The following PTK2 variants were observed in gnomAD, a reference collection of about 807,000 sequenced individuals.
PTK2 encodes focal adhesion kinase 1.
A neutral mutation model predicts 150.1 loss-of-function variants in PTK2; 45 were observed. The observed-to-expected ratio is 0.30, with a 90% confidence interval of 0.24 to 0.38. PTK2 has a LOEUF of 0.38. Ranked by LOEUF, PTK2 falls within the 10% of genes least tolerant of loss-of-function variation. The probability of loss-of-function intolerance (pLI) is 1.00; values close to 1 mark genes in which losing one functional copy is unlikely to be tolerated. For missense variants in PTK2, 919 were observed against 1,307.3 expected (o/e 0.70, Z 4.58); for synonymous variants, 432 against 449.2 (o/e 0.96, Z 0.48).
chr8:140,962,617 T>G (rs1000421099), intron 1 of PTK2, among the ~76,000 whole-genome samples: 1 of 151,624 alleles, frequency 6.6e-6, no homozygotes, highest in Non-Finnish European at 1.5e-5. Flanking sequence ...GCTAACACAG[T>G]GAAACCTACT....
chr8:140,700,415 T>A (rs188809545), intron 26 of PTK2, among the ~76,000 whole-genome samples: 1 of 151,816 alleles, frequency 6.6e-6, no homozygotes, highest in East Asian at 1.9e-4. Flanking sequence ...CAAGTGATCC[T>A]CCTGCCTTGG....
At chr8:140,756,790 C>T (rs1235666157) in intron 16 of PTK2, among the ~76,000 whole-genome samples, 1 of 151,030 alleles carries the variant, frequency 6.6e-6, no homozygotes, top group Non-Finnish European at 1.5e-5. Context: ...GAGATCGACA[C>T]CATCCTGGCT....
At chr8:140,897,387 T>C (rs1382939329) in intron 2 of PTK2, among the ~76,000 whole-genome samples, 3 of 151,926 alleles carry the variant, frequency 2.0e-5, no homozygotes, top group East Asian at 2.0e-4. Flanking sequence ...AAAAGGAATG[T>C]TATTTTGTTT....
chr8:140,783,165 C>T (rs553734746), intron 14 of PTK2, among the ~76,000 whole-genome samples: 1 of 152,194 alleles, frequency 6.6e-6, no homozygotes, highest in Admixed American at 6.5e-5. Context: ...CACTTGAGCC[C>T]AGGAGGTTGA....
chr8:140,715,155 GTTTTTTTTTTTTTTTTTT>G (rs67306225), intron 23 of PTK2, among the ~76,000 whole-genome samples: 92 of 56,004 alleles, frequency 1.6e-3, no homozygotes, highest in African/African-American at 3.7e-3. Context: ...CATTAAAACC[GTTTTTTTTTTTTTTTTTT>G]TTTTTTTTTT....
intron 22 of PTK2, among the ~76,000 whole-genome samples, chr8:140,723,445 T>C (rs1265688465): frequency 1.3e-5 from 2 of 152,240 alleles, no homozygotes; most frequent in African/African-American, 2.4e-5. Context: ...ATAAAAAATA[T>C]CTGTTTTTAC....
intron 4 of PTK2, among the ~76,000 whole-genome samples, chr8:140,866,733 A>C (rs1165366635): frequency 6.6e-6 from 1 of 152,224 alleles, no homozygotes; most frequent in African/African-American, 2.4e-5. Context: ...TTGGAAATTC[A>C]ACAGTGAATA....
chr8:140,746,149 T>C (rs545321748), intron 18 of PTK2, among the ~76,000 whole-genome samples: 48 of 152,172 alleles, frequency 3.2e-4, no homozygotes, highest in African/African-American at 7.5e-4. Flanking sequence ...CTAGGCAACA[T>C]AGTGAAACCC....
At chr8:140,790,371 T>C (rs955645375) in intron 13 of PTK2, among the ~76,000 whole-genome samples, 2 of 152,224 alleles carry the variant, frequency 1.3e-5, no homozygotes, top group African/African-American at 2.4e-5. Flanking sequence ...ATCTAGGGGA[T>C]AGGACCCAAG....
chr8:140,905,810 A>G (rs1053825505), intron 2 of PTK2, among the ~76,000 whole-genome samples: 1 of 152,202 alleles, frequency 6.6e-6, no homozygotes, highest in East Asian at 1.9e-4. Flanking sequence ...AATGGAAATC[A>G]TAACAGTCTC....
At chr8:140,712,234 A>T (rs530461651) in intron 23 of PTK2, among the ~76,000 whole-genome samples, 1 of 151,552 alleles carries the variant, frequency 6.6e-6, no homozygotes, top group Non-Finnish European at 1.5e-5. Context: ...CAAACAAACC[A>T]AACTGAGAAG....
intron 31 of PTK2, chr8:140,660,732 C>T (rs1282517025): frequency 7.3e-6 from 3 of 413,758 alleles, no homozygotes; most frequent in Admixed American, 2.5e-5. Flanking sequence ...ATGTACGCCC[C>T]TCCCCCCGCA....
At chr8:140,835,886 T>A (rs1486860169) in intron 7 of PTK2, among the ~76,000 whole-genome samples, 1 of 152,078 alleles carries the variant, frequency 6.6e-6, no homozygotes, top group Non-Finnish European at 1.5e-5. Context: ...CCCAAAGATG[T>A]GCATGTTAGG....
chr8:140,853,075 A>G (rs1291036202), intron 5 of PTK2, among the ~76,000 whole-genome samples: 1 of 152,154 alleles, frequency 6.6e-6, no homozygotes, highest in Non-Finnish European at 1.5e-5. Flanking sequence ...AAGTGAATAA[A>G]TGAGGTCAGT....
intron 22 of PTK2, among the ~76,000 whole-genome samples, chr8:140,722,674 A>C (rs938059489): frequency 6.6e-6 from 1 of 152,190 alleles, no homozygotes; most frequent in African/African-American, 2.4e-5. Flanking sequence ...CCTGAGAGAG[A>C]AGCACATCCC....
intron 7 of PTK2, among the ~76,000 whole-genome samples, chr8:140,830,922 G>C (rs2100114988): frequency 6.6e-6 from 1 of 152,032 alleles, no homozygotes; most frequent in Non-Finnish European, 1.5e-5. Flanking sequence ...AAAATAGCTA[G>C]CCTGATTAGT....
At chr8:140,888,316 A>T (rs1361322684) in intron 3 of PTK2, among the ~76,000 whole-genome samples, 2 of 152,226 alleles carry the variant, frequency 1.3e-5, no homozygotes, top group Non-Finnish European at 2.9e-5. Flanking sequence ...GCATTAAAGC[A>T]TTCAATGGAA....
chr8:141,000,705 C>G (rs2100199835), intron 1 of PTK2, among the ~76,000 whole-genome samples: 1 of 149,058 alleles, frequency 6.7e-6, no homozygotes, highest in Non-Finnish European at 1.5e-5. Flanking sequence ...TCCCGGACTC[C>G]CCACGTCCCC....
intron 14 of PTK2, among the ~76,000 whole-genome samples, chr8:140,777,407 G>T (rs1450779610): frequency 6.6e-6 from 1 of 152,190 alleles, no homozygotes; most frequent in Non-Finnish European, 1.5e-5. Context: ...TGAACTAAGA[G>T]CCAGAGCTCA....
Sources: allele counts gnomAD v4.1 joint callset (sites outside exome capture counted in the v4.1 genomes callset), GRCh38; gene constraint gnomAD v4.1.1; transcripts MANE v1.5; gene names NCBI Gene and HGNC (gene_info 2026-07-23, HGNC 2026-07-21).